The following CD5 variants were observed in gnomAD, a reference collection of about 807,000 sequenced individuals.
CD5 encodes the protein T-cell surface glycoprotein CD5.
A neutral mutation model predicts 60.3 loss-of-function variants in CD5; 36 were observed. That is an observed-to-expected ratio of 0.60 (90% CI 0.46 to 0.79). CD5 has a LOEUF of 0.79. CD5 is among the 30% of genes least tolerant of loss of function. The pLI is 0.00. For missense variants in CD5, 540 were observed against 630.6 expected (o/e 0.86, Z 1.54); for synonymous variants, 230 against 257.6 (o/e 0.89, Z 1.03).
upstream of CD5, among the ~76,000 whole-genome samples, chr11:61,101,668 ACAT>A (rs1267381449): frequency 1.3e-5 from 2 of 151,702 alleles, no homozygotes; most frequent in South Asian, 4.2e-4. Flanking sequence ...GATCACACAC[ACAT>A]CAACATGGCG....
rs1200847354 is a variant in CD5 at position 61,106,386 on chromosome 11, G to T, written c.55+3771G>T. Reference sequence around the variant, plus strand: ...AGGCAGAGCGGATGGCAGGGCAAAGGCAAGGGGGAAGGACAGGCCTGAGAG... The same window carrying T: ...AGGCAGAGCGGATGGCAGGGCAAAGTCAAGGGGGAAGGACAGGCCTGAGAG... On this transcript the variant is annotated intron_variant, in intron 1 of 10. Transcript: ENST00000347785. Among the ~76,000 whole-genome samples, 3 of 152,128 alleles carry T rather than the reference G, an allele frequency of 2.0e-5. No homozygotes were observed. The South Asian group carries it at 6.2e-4, about 32-fold the overall frequency.
intron 1 of CD5, among the ~76,000 whole-genome samples, chr11:61,110,210 AAAC>A (rs1378444871): frequency 2.0e-5 from 3 of 152,126 alleles, no homozygotes; most frequent in Non-Finnish European, 4.4e-5. Context: ...AGTGAAAAAC[AAAC>A]AAGCAAATAA....
intron 7 of CD5, among the ~76,000 whole-genome samples, chr11:61,123,535 G>A (rs1435048703): frequency 6.6e-6 from 1 of 152,204 alleles, no homozygotes; most frequent in Non-Finnish European, 1.5e-5. Context: ...AGACAAAGAA[G>A]TGAGAGGGGA....
rs1565185099 is a variant in CD5 at position 61,116,615 on chromosome 11, TACCACACACACACCACACAC to T, written c.94+1533_95-1529del. 3.6e-4 allele frequency among the ~76,000 whole-genome samples: 6 copies of T among 16,704 alleles called. No homozygotes were observed. The East Asian group carries it at 9.6e-3, about 27-fold the overall frequency. The allele number at this position is 16,704 out of a possible 152,430, so 11.0% of individuals were successfully genotyped here. ...CACTACACACCACACACCACACACA[TACCACACACACACCACACAC>T]ACCACACACACCCCACACACACCAC... is the stretch of plus-strand genomic sequence containing the variant. On this transcript the variant is annotated intron_variant, in intron 2 of 10. Coordinates refer to ENST00000347785, the MANE Select transcript of CD5 (RefSeq NM_014207.4).
At chr11:61,102,272 C>G, upstream of CD5, 1 of 495,360 alleles carries the variant, frequency 2.0e-6, no homozygotes, top group Non-Finnish European at 3.7e-6. Context: ...ATGGCCTTGT[C>G]CTGTGTGGGG....
chr11:61,103,127 G>A (rs1281105417), intron 1 of CD5, among the ~76,000 whole-genome samples: 2 of 152,220 alleles, frequency 1.3e-5, no homozygotes, highest in East Asian at 3.8e-4. Context: ...AAATGTCAAG[G>A]ACTCATAGCG....
At chr11:61,120,170 T>G (rs962713189) in intron 5 of CD5, among the ~76,000 whole-genome samples, 5 of 152,114 alleles carry the variant, frequency 3.3e-5, no homozygotes, top group Non-Finnish European at 5.9e-5. Flanking sequence ...CAGGTGAGAC[T>G]GAGTCTGTGA....
At chr11:61,121,576 C>T (rs772015992) in intron 5 of CD5, 35 bp from the exon 6 acceptor site, 1 of 1,431,248 alleles carries the variant, frequency 7.0e-7, no homozygotes, top group South Asian at 1.5e-5. Context: ...CAGGTTCACA[C>T]TTGCACCCTC....
chr11:61,105,972 A>G (rs1211296515), intron 1 of CD5, among the ~76,000 whole-genome samples: 2 of 152,078 alleles, frequency 1.3e-5, no homozygotes, highest in Non-Finnish European at 2.9e-5. Context: ...TAAAAATACA[A>G]AAATTAGCCG....
At chr11:61,096,138 G>A in the CD5 span, among the ~76,000 whole-genome samples, 5 of 152,352 alleles carry the variant, frequency 3.3e-5, no homozygotes, top group African/African-American at 1.2e-4. Context: ...GAAAGGAGAG[G>A]GAAAGGGGGG....
chr11:61,101,879 CACACAAGTCAACATGGAGA>C, upstream of CD5, among the ~76,000 whole-genome samples: 3 of 150,954 alleles, frequency 2.0e-5, no homozygotes, highest in Non-Finnish European at 4.4e-5. Flanking sequence ...ACACAGAGAT[CACACAAGTCAACATGGAGA>C]TCTCTCTCTC....
rs559640699 is a variant in CD5, at chr11:61,114,944, G to A, written c.56-112G>A. The A allele has an allele frequency of 2.4e-5, 23 of 949,894 alleles. No individual in the cohort carries two copies. In the Admixed American group the frequency reaches 3.8e-4, roughly 16 times the overall value. The allele number at this position is 949,894 out of a possible 1,614,324, so 58.8% of individuals were successfully genotyped here. A position where few individuals can be genotyped will look rare whatever the true frequency, so the allele number is the denominator to read the frequency against. On this transcript the variant is annotated intron_variant, in intron 1 of 10. Transcript: ENST00000347785. ...ATTCCTGTCCCTAAAACCCATGATA[G>A]TGGATAGGGGGAGGCAGAAAGGGCC...
At chr11:61,115,203 A>G in intron 2 of CD5, 109 bp downstream of exon 2, 2 of 970,180 alleles carry the variant, frequency 2.1e-6, no homozygotes, top group Non-Finnish European at 3.1e-6. Context: ...TGCCAGAGTG[A>G]ACCCCACCCT....
At chr11:61,121,511 A>T in intron 5 of CD5, 100 bp from the exon 6 acceptor site, 1 of 1,049,750 alleles carries the variant, frequency 9.5e-7, no homozygotes, top group Non-Finnish European at 1.3e-6. Context: ...GCCTTCCCCT[A>T]GCCAGGGCCC....
upstream of CD5, among the ~76,000 whole-genome samples, chr11:61,098,909 C>T (rs534035488): frequency 6.6e-6 from 1 of 152,306 alleles, no homozygotes; most frequent in African/African-American, 2.4e-5. Context: ...GGGGAGGCCC[C>T]AGGCCCTAGT....
intron 4 of CD5, 65 bp from the exon 5 acceptor site, chr11:61,119,169 C>G: frequency 6.9e-7 from 1 of 1,447,266 alleles, no homozygotes. Flanking sequence ...GGCCAAACAG[C>G]AAGGAGTGCC....
chr11:61,109,592 T>C lies in CD5; in HGVS notation c.56-5464T>C, dbSNP rs1402162117. Among the ~76,000 whole-genome samples, 17 of 152,054 alleles carry C rather than the reference T, an allele frequency of 1.1e-4. 2 individuals carry two copies. ...AAATAAAACTCATGGGATGCCGTAA[T>C]GAGAGCCAAAGTGAGAATTATCCTG... On this transcript the variant is annotated intron_variant, in intron 1 of 10. Coordinates refer to ENST00000347785, the MANE Select transcript of CD5 (RefSeq NM_014207.4).
chr11:61,118,729 T>C lies in CD5; in HGVS notation c.401-186T>C, dbSNP rs1280017777. Among the ~76,000 whole-genome samples the C allele has an allele frequency of 6.6e-6, 1 of 152,186 alleles. No individual in the cohort carries two copies. Among genetic ancestry groups the C allele is most frequent in the Non-Finnish European group, 1.5e-5 (1 of 68,018 alleles). Reference sequence around the variant, plus strand: ...CATCGTCGCCTCTGAACCTCCATTCTCCCATCTGTGAAGTGGGGTGGTACT... The same window carrying C: ...CATCGTCGCCTCTGAACCTCCATTCCCCCATCTGTGAAGTGGGGTGGTACT... On this transcript the variant is annotated intron_variant, in intron 3 of 10. Transcript: ENST00000347785. The surrounding 1 kb of genome is among the most constrained non-coding windows in gnomAD (Gnocchi z 4.7).
rs188040410 is a variant in CD5, at chr11:61,121,555, G to C, written c.806-56G>C. The C allele has an allele frequency of 8.5e-5, 117 of 1,371,208 alleles. No homozygotes were observed. In the East Asian group the frequency reaches 1.3e-3, roughly 15 times the overall value. The allele number at this position is 1,371,208 out of a possible 1,614,324, so 84.9% of individuals were successfully genotyped here. On this transcript the variant is annotated intron_variant, in intron 5 of 10. Transcript: ENST00000347785. ...CAGTGGCATGGGGCCCCAGGAAGCA[G>C]CACACAGGCTCAGGTTCACACTTGC...
Sources: allele counts gnomAD v4.1 joint callset (sites outside exome capture counted in the v4.1 genomes callset), GRCh38; gene constraint gnomAD v4.1.1; non-coding constraint Gnocchi (gnomAD v3.1); transcripts MANE v1.5; gene names NCBI Gene and HGNC (gene_info 2026-07-23, HGNC 2026-07-21).